Variants in GRIN2B observed in about 807,000 individuals in gnomAD.
GRIN2B encodes the protein glutamate receptor ionotropic, NMDA 2B.
Under a neutral mutation model 114.5 loss-of-function variants are expected in GRIN2B, and 5 were observed. The observed-to-expected ratio is 0.04, with a 90% CI of 0.02 to 0.09. GRIN2B has a LOEUF of 0.09. GRIN2B is among the 10% of genes least tolerant of loss of function. The pLI is 1.00. For synonymous variants in GRIN2B, 787 were observed against 745.1 expected (o/e 1.06, Z -0.92); for missense variants, 1,108 against 1,943.5 (o/e 0.57, Z 8.08).
At chr12:13,785,637 T>G (rs556251331) in intron 3 of GRIN2B, among the ~76,000 whole-genome samples, 1 of 152,342 alleles carries the variant, frequency 6.6e-6, no homozygotes, top group South Asian at 2.1e-4. Context: ...TGTATCTTCA[T>G]GTAATGAAAA....
chr12:13,579,451 C>T (rs1284560229), intron 10 of GRIN2B, among the ~76,000 whole-genome samples: 1 of 152,210 alleles, frequency 6.6e-6, no homozygotes, highest in Non-Finnish European at 1.5e-5. Flanking sequence ...GTACAATGGG[C>T]TGCTAATAGC....
chr12:13,978,990 C>G (rs1235144056), intron 2 of GRIN2B, among the ~76,000 whole-genome samples: 1 of 152,178 alleles, frequency 6.6e-6, no homozygotes, highest in Non-Finnish European at 1.5e-5. Context: ...GGGTACAAGA[C>G]TAATACATGC....
chr12:13,858,396 C>G (rs1292613810), intron 3 of GRIN2B, among the ~76,000 whole-genome samples: 2 of 152,182 alleles, frequency 1.3e-5, no homozygotes, highest in Admixed American at 1.3e-4. Context: ...TACTCTCCTG[C>G]ATGCTAGACC....
chr12:13,858,358 G>A (rs1865698608), intron 3 of GRIN2B, among the ~76,000 whole-genome samples: 1 of 152,122 alleles, frequency 6.6e-6, no homozygotes, highest in Admixed American at 6.5e-5. Flanking sequence ...ACTCAGAAAG[G>A]TAGAATAAAA....
At chr12:13,892,994 T>G (rs1341617642) in intron 2 of GRIN2B, among the ~76,000 whole-genome samples, 1 of 152,166 alleles carries the variant, frequency 6.6e-6, no homozygotes, top group Non-Finnish European at 1.5e-5. Context: ...AAGTCAGAAC[T>G]GAATGATGAC....
chr12:13,830,714 T>A (rs1207405377), intron 3 of GRIN2B, among the ~76,000 whole-genome samples: 1 of 152,172 alleles, frequency 6.6e-6, no homozygotes, highest in Non-Finnish European at 1.5e-5. Flanking sequence ...TACATACAGA[T>A]CAAAAGCCCT....
intron 3 of GRIN2B, among the ~76,000 whole-genome samples, chr12:13,803,799 T>C: frequency 6.6e-6 from 1 of 152,048 alleles, no homozygotes; most frequent in Non-Finnish European, 1.5e-5. Flanking sequence ...GCAACACACA[T>C]GTGGAAACAA....
chr12:13,608,499 G>T (rs998138273), intron 10 of GRIN2B, 104 bp downstream of exon 10: 3 of 792,546 alleles, frequency 3.8e-6, no homozygotes, highest in South Asian at 2.9e-5. Flanking sequence ...AAGAAAGAAC[G>T]GTCAATTCCA....
intron 4 of GRIN2B, among the ~76,000 whole-genome samples, chr12:13,715,781 G>A (rs1950450035): frequency 6.6e-6 from 1 of 151,824 alleles, no homozygotes; most frequent in African/African-American, 2.4e-5. Context: ...ATAACCCCTT[G>A]ATAATAAAAC....
At chr12:13,783,849 C>T (rs1864167342) in intron 3 of GRIN2B, among the ~76,000 whole-genome samples, 1 of 151,652 alleles carries the variant, frequency 6.6e-6, no homozygotes, top group Non-Finnish European at 1.5e-5. Flanking sequence ...CTAGAAGAGG[C>T]TGAGCCTGAG....
chr12:13,898,303 T>A (rs11055670), intron 2 of GRIN2B, among the ~76,000 whole-genome samples: 16,388 of 152,212 alleles, frequency 0.11, 1,572 homozygotes, highest in East Asian at 0.43. Context: ...ATTTATTGAG[T>A]ATTTAAGTAT....
chr12:13,975,241 C>A (rs967612424), intron 2 of GRIN2B, among the ~76,000 whole-genome samples: 1 of 152,192 alleles, frequency 6.6e-6, no homozygotes, highest in African/African-American at 2.4e-5. Flanking sequence ...GCAACTCTGG[C>A]GTCAACTGAT....
At chr12:13,578,287 A>C (rs1948803985) in intron 10 of GRIN2B, among the ~76,000 whole-genome samples, 1 of 152,204 alleles carries the variant, frequency 6.6e-6, no homozygotes, top group African/African-American at 2.4e-5. Context: ...CTGCTTAACC[A>C]GTAGAAGTTG....
intron 3 of GRIN2B, among the ~76,000 whole-genome samples, chr12:13,794,728 G>C (rs1027185118): frequency 6.6e-6 from 1 of 152,172 alleles, no homozygotes. Context: ...TCAGCAAAAT[G>C]CTGGCAAGTG....
At chr12:13,963,094 T>C (rs545120559) in intron 2 of GRIN2B, among the ~76,000 whole-genome samples, 64 of 152,314 alleles carry the variant, frequency 4.2e-4, no homozygotes, top group South Asian at 1.0e-3. Flanking sequence ...CTGATGGAAG[T>C]TCAGGTCCTG....
intron 3 of GRIN2B, among the ~76,000 whole-genome samples, chr12:13,796,844 C>T (rs1340372113): frequency 6.6e-6 from 1 of 152,114 alleles, no homozygotes; most frequent in Admixed American, 6.5e-5. Context: ...AACACAAATT[C>T]GGTGGCAAAA....
At chr12:13,659,883 A>C (rs921655526) in intron 5 of GRIN2B, among the ~76,000 whole-genome samples, 1 of 152,212 alleles carries the variant, frequency 6.6e-6, no homozygotes, top group Non-Finnish European at 1.5e-5. Context: ...TATAAAACTT[A>C]GTGGTATAAA....
intron 3 of GRIN2B, among the ~76,000 whole-genome samples, chr12:13,842,466 A>G (rs1156830639): frequency 1.4e-5 from 2 of 144,596 alleles, no homozygotes; most frequent in Non-Finnish European, 3.1e-5. Context: ...AATCTTCCTC[A>G]TCTAATTTCT....
At chr12:13,645,150 C>T (rs1949750688) in intron 5 of GRIN2B, among the ~76,000 whole-genome samples, 1 of 152,046 alleles carries the variant, frequency 6.6e-6, no homozygotes, top group African/African-American at 2.4e-5. Flanking sequence ...TCATTTCTAG[C>T]TTCTGATTTT....
Sources: allele counts gnomAD v4.1 joint callset (sites outside exome capture counted in the v4.1 genomes callset), GRCh38; gene constraint gnomAD v4.1.1; transcripts MANE v1.5; gene names NCBI Gene and HGNC (gene_info 2026-07-23, HGNC 2026-07-21).